The following ZCCHC7 variants were observed in gnomAD, a reference collection of about 807,000 sequenced individuals.
The protein encoded by ZCCHC7 is zinc finger CCHC-type containing 7.
ZCCHC7 carries 35 observed loss-of-function variants against 52.0 expected under a neutral mutation model. The ratio of observed to expected loss-of-function variants is 0.67; its 90% confidence interval spans 0.51 to 0.89. The LOEUF is 0.89. Among genes scored for constraint, ZCCHC7 ranks in the 40% least tolerant of loss-of-function variants. The pLI is 0.00. For synonymous variants in ZCCHC7, 217 were observed against 221.5 expected (o/e 0.98, Z 0.18); for missense variants, 574 against 649.1 (o/e 0.88, Z 1.26).
intron 5 of ZCCHC7, among the ~76,000 whole-genome samples, chr9:37,323,354 G>A (rs546747960): frequency 1.3e-5 from 2 of 152,258 alleles, no homozygotes; most frequent in African/African-American, 4.8e-5. Flanking sequence ...GAATATCAAA[G>A]AGAAAAATCT....
chr9:37,302,552 T>C (rs1297312054), intron 3 of ZCCHC7, among the ~76,000 whole-genome samples: 1 of 152,180 alleles, frequency 6.6e-6, no homozygotes, highest in Non-Finnish European at 1.5e-5. Context: ...TTAGTCTATT[T>C]TTAGGATGTG....
intron 2 of ZCCHC7, among the ~76,000 whole-genome samples, chr9:37,245,148 T>C (rs1826030912): frequency 1.3e-5 from 2 of 151,862 alleles, no homozygotes; most frequent in South Asian, 4.1e-4. Flanking sequence ...TTTAGATAGA[T>C]AAAATTTTAT....
chr9:37,148,466 C>T (rs1290284138), intron 2 of ZCCHC7, among the ~76,000 whole-genome samples: 1 of 151,980 alleles, frequency 6.6e-6, no homozygotes, highest in Admixed American at 6.6e-5. Context: ...TGAATTAGGT[C>T]GGTTTTTCTT....
chr9:37,291,245 CT>C (rs1313925133), intron 2 of ZCCHC7, among the ~76,000 whole-genome samples: 13 of 152,058 alleles, frequency 8.5e-5, no homozygotes, highest in Admixed American at 8.5e-4. Context: ...GTACTAGAAC[CT>C]AATGATGTAA....
intron 5 of ZCCHC7, chr9:37,326,002 G>A (rs770387350): frequency 5.9e-5 from 9 of 152,224 alleles, no homozygotes; most frequent in Non-Finnish European, 8.8e-5. Flanking sequence ...TTCTGCCAGT[G>A]TATGACAACT....
At chr9:37,120,341 A>T (rs989383632), upstream of ZCCHC7, among the ~76,000 whole-genome samples, 33 of 152,226 alleles carry the variant, frequency 2.2e-4, no homozygotes, top group African/African-American at 8.0e-4. Flanking sequence ...CAGCCTAGGT[A>T]GCTTCAAGAG....
chr9:37,305,410 A>G (rs1264660993), intron 4 of ZCCHC7, 134 bp from the exon 5 acceptor site: 29 of 1,067,372 alleles, frequency 2.7e-5, no homozygotes, highest in Non-Finnish European at 3.9e-5. Flanking sequence ...TGATTTTTAC[A>G]GTTGTGCTCA....
intron 2 of ZCCHC7, among the ~76,000 whole-genome samples, chr9:37,234,793 G>A (rs2133328799): frequency 6.6e-6 from 1 of 152,120 alleles, no homozygotes; most frequent in East Asian, 1.9e-4. Flanking sequence ...GGCCTTATGT[G>A]TTTGTCCTTT....
intron 2 of ZCCHC7, among the ~76,000 whole-genome samples, chr9:37,265,231 C>T (rs1221900029): frequency 6.6e-6 from 1 of 152,140 alleles, no homozygotes; most frequent in Non-Finnish European, 1.5e-5. Context: ...TCTCCTTTTT[C>T]ATGCTTTCAG....
At chr9:37,333,767 A>C (rs1830537772) in intron 6 of ZCCHC7, 1 of 151,784 alleles carries the variant, frequency 6.6e-6, no homozygotes, top group Admixed American at 6.6e-5. Flanking sequence ...TTCTTGTTTT[A>C]ACATATATAA....
rs1039667881 is a variant in ZCCHC7, at chr9:37,140,993, T to C, written c.610+14051T>C. ...TGTATTTTGATTAAAAGGAAAAAAA[T>C]TTAATGCTTATAGTATAATGCGCAT... is the stretch of plus-strand genomic sequence containing the variant. On this transcript the variant is annotated intron_variant, in intron 2 of 8. Transcript: ENST00000336755. 2.0e-5 allele frequency among the ~76,000 whole-genome samples: 3 copies of C among 151,972 alleles called. No individual in the cohort carries two copies. In the East Asian group the frequency reaches 5.8e-4, roughly 29 times the overall value.
At chr9:37,292,379 G>A (rs1237767431) in intron 2 of ZCCHC7, among the ~76,000 whole-genome samples, 1 of 152,178 alleles carries the variant, frequency 6.6e-6, no homozygotes, top group Non-Finnish European at 1.5e-5. Context: ...TGGTAGGGTA[G>A]TAGGTAGACT....
chr9:37,237,018 G>A (rs753836776), intron 2 of ZCCHC7, among the ~76,000 whole-genome samples: 9 of 152,136 alleles, frequency 5.9e-5, no homozygotes, highest in Non-Finnish European at 1.3e-4. Flanking sequence ...TATTATTTCA[G>A]TTCCTTCTAC....
intron 6 of ZCCHC7, among the ~76,000 whole-genome samples, chr9:37,336,803 T>G (rs2118379177): frequency 6.6e-6 from 1 of 152,264 alleles, no homozygotes; most frequent in African/African-American, 2.4e-5. Context: ...TTCTTTTCTG[T>G]CCCTTCCCCC....
At chr9:37,226,213 ATAT>A (rs574844168) in intron 2 of ZCCHC7, among the ~76,000 whole-genome samples, 22 of 152,226 alleles carry the variant, frequency 1.4e-4, no homozygotes, top group Admixed American at 2.6e-4. Context: ...AAAATGTGAA[ATAT>A]TAATAGTAAT....
intron 2 of ZCCHC7, among the ~76,000 whole-genome samples, chr9:37,255,671 A>G (rs1318343842): frequency 6.6e-6 from 1 of 152,138 alleles, no homozygotes; most frequent in Non-Finnish European, 1.5e-5. Flanking sequence ...GGCAGGAAAG[A>G]TTATAAATAA....
intron 2 of ZCCHC7, among the ~76,000 whole-genome samples, chr9:37,237,374 A>G (rs1825699385): frequency 1.3e-5 from 2 of 152,184 alleles, no homozygotes; most frequent in Admixed American, 1.3e-4. Flanking sequence ...AGCAAGACTT[A>G]AGGTTTCATG....
intron 2 of ZCCHC7, among the ~76,000 whole-genome samples, chr9:37,270,692 A>G (rs927877405): frequency 5.3e-5 from 8 of 151,972 alleles, no homozygotes; most frequent in Admixed American, 2.6e-4. Flanking sequence ...CAAAAAAAAA[A>G]AAAAGAAAAG....
rs965326043 is a variant in ZCCHC7, at chr9:37,234,010, C to T, written c.611-68178C>T. On this transcript the variant is annotated intron_variant, in intron 2 of 8. Transcript: ENST00000336755. ...CTGGGACTACAGGCGCCTGCCACCA[C>T]GCCCGGCTAATATTTGTATTTTTAG... 3.9e-5 allele frequency among the ~76,000 whole-genome samples: 6 copies of T among 152,088 alleles called. No homozygotes were observed. The East Asian group carries it at 9.7e-4, about 25-fold the overall frequency.
Sources: allele counts gnomAD v4.1 joint callset (sites outside exome capture counted in the v4.1 genomes callset), GRCh38; gene constraint gnomAD v4.1.1; transcripts MANE v1.5; gene names NCBI Gene and HGNC (gene_info 2026-07-23, HGNC 2026-07-21).